SP3: variants seen among roughly 807,000 people sequenced by gnomAD.
The protein encoded by SP3 is Sp3 transcription factor, also known as transcription factor Sp3.
A neutral mutation model predicts 70.3 loss-of-function variants in SP3; 10 were observed. That is an observed-to-expected ratio of 0.14 (90% confidence interval 0.09 to 0.24). The LOEUF (loss-of-function observed/expected upper bound fraction) is 0.24. Ranked by LOEUF, SP3 falls within the 10% of genes least tolerant of loss-of-function variation. SP3 has a pLI of 1.00. For missense variants in SP3, 825 were observed against 914.6 expected (o/e 0.90, Z 1.26); for synonymous variants, 402 against 333.5 (o/e 1.21, Z -2.24).
intron 4 of SP3, among the ~76,000 whole-genome samples, chr2:173,928,944 T>A (rs774082863): frequency 6.6e-6 from 1 of 152,260 alleles, no homozygotes; most frequent in South Asian, 2.1e-4. Flanking sequence ...TCAGTGAAGC[T>A]GTGCTACAGT....
chr2:173,937,726 C>T (rs1690246285), intron 4 of SP3, among the ~76,000 whole-genome samples: 1 of 152,040 alleles, frequency 6.6e-6, no homozygotes, highest in South Asian at 2.1e-4. Context: ...AGAAAATCTC[C>T]AATATATACC....
In SP3 at chr2:173,909,171, A is replaced by C. The variant is rs756276445; in HGVS notation, c.*770T>G. 7 of 152,616 alleles carry C rather than the reference A, an allele frequency of 4.6e-5. No individual in the cohort carries two copies. Among genetic ancestry groups the C allele is most frequent in the Non-Finnish European group, 1.0e-4 (7 of 67,976 alleles). 9.5% of individuals were successfully genotyped at this position (152,616 alleles called of 1,614,324 possible). On this transcript the variant is annotated 3_prime_UTR_variant, in exon 7 of 7. Transcript: ENST00000310015. ...TAGTCAAGAAAAGGGATAATTCACT[A>C]TAACATTCTCTTACCACCCAAATGC...
chr2:173,958,880 T>C (rs778368438), intron 3 of SP3, among the ~76,000 whole-genome samples: 20 of 151,822 alleles, frequency 1.3e-4, no homozygotes, highest in Non-Finnish European at 2.4e-4. Flanking sequence ...CGGAAAAACA[T>C]TACCTTGCAG....
At chr2:173,947,664 GTTTT>G (rs1559104765) in intron 4 of SP3, among the ~76,000 whole-genome samples, 1 of 152,110 alleles carries the variant, frequency 6.6e-6, no homozygotes, top group African/African-American at 2.4e-5. Flanking sequence ...TCAACAGAAT[GTTTT>G]GTTTTCTTTA....
In SP3 at chr2:173,900,828, GGA is replaced by G. The variant is rs1689178302; in HGVS notation, c.*9111_*9112del. On this transcript the variant is annotated 3_prime_UTR_variant, in exon 7 of 7. Coordinates refer to ENST00000310015, the MANE Select transcript of SP3 (RefSeq NM_003111.5). Reference sequence around the variant, plus strand: ...AAAACCATTAAAGACTTGAATTAATGGAGAGATACAGAATTATCATGGATAGA... The same window carrying G: ...AAAACCATTAAAGACTTGAATTAATGGAGATACAGAATTATCATGGATAGA... 6.6e-6 allele frequency among the ~76,000 whole-genome samples: 1 copy of G among 152,148 alleles called. No individual in the cohort carries two copies. The highest frequency in any genetic ancestry group is 2.4e-5 in the African/African-American group (1 of 41,424).
In SP3 at chr2:173,909,726, T is replaced by C. The variant is rs1417742477; in HGVS notation, c.*215A>G. On this transcript the variant is annotated 3_prime_UTR_variant, in exon 7 of 7. Transcript: ENST00000310015. ...TTGGTAAAATTTCATTTCTTCTAGA[T>C]TCCAAAAGTACCTACAAAACCCATG... is the stretch of plus-strand genomic sequence containing the variant. 4 of 419,234 alleles carry C rather than the reference T, an allele frequency of 9.5e-6. No homozygotes were observed. Among genetic ancestry groups the C allele is most frequent in the African/African-American group, 8.3e-5 (4 of 47,982 alleles). The allele number at this position is 419,234 out of a possible 1,614,324, so 26.0% of individuals were successfully genotyped here. A position where few individuals can be genotyped will look rare whatever the true frequency, so the allele number is the denominator to read the frequency against.
At chr2:173,964,835 C>T (rs1691237484) in intron 1 of SP3, 1 of 479,474 alleles carries the variant, frequency 2.1e-6, no homozygotes, top group Non-Finnish European at 3.6e-6. Context: ...TTTCCCTTCG[C>T]GCCGCTCGCT....
At chr2:173,942,336 C>T (rs1295379552) in intron 4 of SP3, among the ~76,000 whole-genome samples, 1 of 152,202 alleles carries the variant, frequency 6.6e-6, no homozygotes, top group Non-Finnish European at 1.5e-5. Context: ...GAGGCCGAGG[C>T]AGGTGGATCA....
chr2:173,903,309 TTA>T lies in SP3; in HGVS notation c.*6630_*6631del, dbSNP rs771648431. ...AGATGACGCTAGCATCATTCTCATT[TTA>T]TAGTTAGAGAACAGGCTAAGAGTGG... is the stretch of plus-strand genomic sequence containing the variant. On this transcript the variant is annotated 3_prime_UTR_variant, in exon 7 of 7. Transcript: ENST00000310015. Among the ~76,000 whole-genome samples, 1 of 152,248 alleles carries T rather than the reference TTA, an allele frequency of 6.6e-6. No individual in the cohort carries two copies. The highest frequency in any genetic ancestry group is 1.5e-5 in the Non-Finnish European group (1 of 68,048).
At position 173,905,382 on chromosome 2, in the gene SP3, T is replaced by C. The variant is rs1689285269; in HGVS notation, c.*4559A>G. Among the ~76,000 whole-genome samples the C allele has an allele frequency of 6.6e-6, 1 of 152,168 alleles. No homozygotes were observed. Among genetic ancestry groups the C allele is most frequent in the Admixed American group, 6.5e-5 (1 of 15,284 alleles). On this transcript the variant is annotated 3_prime_UTR_variant, in exon 7 of 7. Transcript: ENST00000310015. ...TCAACAGGGAGTACTATTGTTAGCC[T>C]CTTCATGGATGATGAAAATGAGGTT... is the stretch of plus-strand genomic sequence containing the variant.
intron 4 of SP3, among the ~76,000 whole-genome samples, chr2:173,946,254 TTATA>T (rs1406209152): frequency 6.6e-6 from 1 of 152,192 alleles, no homozygotes; most frequent in Non-Finnish European, 1.5e-5. Flanking sequence ...GGAAGGTTCA[TTATA>T]TATTGTTTTT....
At position 173,908,812 on chromosome 2, in the gene SP3, T is replaced by C. The variant is rs1357907994; in HGVS notation, c.*1129A>G. 1.3e-5 allele frequency: 2 copies of C among 151,514 alleles called. No homozygotes were observed. The highest frequency in any genetic ancestry group is 3.0e-5 in the Non-Finnish European group (2 of 67,734). The allele number at this position is 151,514 out of a possible 1,614,324, so 9.4% of individuals were successfully genotyped here. ...AGAAAATACAGCATAATAAAAAACA[T>C]ACGCTTCTCAATTAAATGTACTGGA... On this transcript the variant is annotated 3_prime_UTR_variant, in exon 7 of 7. Transcript: ENST00000310015.
intron 6 of SP3, 96 bp downstream of exon 6, chr2:173,912,974 G>A (rs1414230681): frequency 2.2e-5 from 15 of 690,642 alleles, no homozygotes; most frequent in East Asian, 9.9e-5. Context: ...ATTTTAAATC[G>A]ATTCAGTTCA....
Position 173,950,861 on chromosome 2 carries a change from T to C in SP3, c.1639+4012A>G, listed in dbSNP as rs573877371. On this transcript the variant is annotated intron_variant, in intron 4 of 6. Transcript: ENST00000310015. The stretch of plus-strand genomic sequence containing the variant: ...AAAGTTTATATCCTCAAAATGAATT[T>C]ATTACTAAATATGCTATGTCTTATA... 2.9e-4 allele frequency among the ~76,000 whole-genome samples: 44 copies of C among 152,316 alleles called. No homozygotes were observed. The South Asian group carries it at 7.0e-3, about 24-fold the overall frequency.
chr2:173,923,634 A>G (rs1466463474), intron 4 of SP3, among the ~76,000 whole-genome samples: 1 of 152,126 alleles, frequency 6.6e-6, no homozygotes, highest in Non-Finnish European at 1.5e-5. Context: ...AGTATGGTTG[A>G]TAAAATGAGA....
intron 3 of SP3, among the ~76,000 whole-genome samples, chr2:173,962,514 CTAATA>C (rs1235595629): frequency 6.6e-6 from 1 of 152,108 alleles, no homozygotes; most frequent in Non-Finnish European, 1.5e-5. Flanking sequence ...ATAACAAAGC[CTAATA>C]TAATTTTACA....
chr2:173,945,280 A>T (rs6433454), intron 4 of SP3, among the ~76,000 whole-genome samples: 101,901 of 152,050 alleles, frequency 0.67, 34,670 homozygotes, highest in African/African-American at 0.78. Flanking sequence ...AATTTAAAAT[A>T]CCCAATTTCT....
chr2:173,927,638 C>T (rs1689953837), intron 4 of SP3, among the ~76,000 whole-genome samples: 1 of 152,168 alleles, frequency 6.6e-6, no homozygotes, highest in Admixed American at 6.6e-5. Context: ...AATATAAACT[C>T]ATTTTCTCAA....
chr2:173,961,650 T>C (rs72913032), intron 3 of SP3, among the ~76,000 whole-genome samples: 29,894 of 152,184 alleles, frequency 0.2, 3,142 homozygotes, highest in Middle Eastern at 0.27. Context: ...TTTCTATAAA[T>C]TTAAAATTAT....
Sources: allele counts gnomAD v4.1 joint callset (sites outside exome capture counted in the v4.1 genomes callset), GRCh38; gene constraint gnomAD v4.1.1; transcripts MANE v1.5; gene names NCBI Gene and HGNC (gene_info 2026-07-23, HGNC 2026-07-21).